Variants in FHIT observed in about 807,000 individuals in gnomAD.
FHIT encodes the protein bis(5'-adenosyl)-triphosphatase.
FHIT carries 19 observed loss-of-function variants against 17.9 expected under a neutral mutation model. That is an observed-to-expected ratio of 1.06 (90% confidence interval 0.74 to 1.56). The LOEUF is 1.56. Among genes scored for constraint, FHIT ranks in the 40% most tolerant of loss-of-function variants. The pLI, the probability that FHIT is intolerant of heterozygous loss-of-function variation, is 0.00. For missense variants in FHIT, 248 were observed against 189.2 expected (o/e 1.31, Z -1.82); for synonymous variants, 81 against 69.7 (o/e 1.16, Z -0.81).
intron 8 of FHIT, among the ~76,000 whole-genome samples, chr3:59,764,618 C>G (rs1701697752): frequency 6.6e-6 from 1 of 152,032 alleles, no homozygotes; most frequent in Non-Finnish European, 1.5e-5. Context: ...AAATGCCTCT[C>G]TCTATTTCAT....
chr3:60,464,609 G>C (rs1216533496), intron 5 of FHIT, among the ~76,000 whole-genome samples: 2 of 152,074 alleles, frequency 1.3e-5, no homozygotes, highest in Non-Finnish European at 2.9e-5. Flanking sequence ...GAGAACATGT[G>C]ATGTTTGTCT....
intron 3 of FHIT, among the ~76,000 whole-genome samples, chr3:60,853,937 T>C (rs193116758): frequency 2.0e-5 from 3 of 152,266 alleles, no homozygotes; most frequent in South Asian, 2.1e-4. Flanking sequence ...ACTGCAAAGA[T>C]GTCTTCATGT....
At chr3:60,048,871 A>C (rs982247452) in intron 5 of FHIT, among the ~76,000 whole-genome samples, 2 of 152,210 alleles carry the variant, frequency 1.3e-5, no homozygotes, top group African/African-American at 4.8e-5. Context: ...GAAGATTTGA[A>C]AACATGATTG....
chr3:61,097,668 A>C (rs542050610), intron 2 of FHIT, among the ~76,000 whole-genome samples: 8 of 152,028 alleles, frequency 5.3e-5, no homozygotes, highest in African/African-American at 1.9e-4. Context: ...ACTGTATCTC[A>C]TTGTGGTTTT....
At chr3:60,320,430 G>A (rs917180704) in intron 5 of FHIT, among the ~76,000 whole-genome samples, 3 of 152,056 alleles carry the variant, frequency 2.0e-5, no homozygotes, top group Non-Finnish European at 4.4e-5. Flanking sequence ...ATGGCTAACT[G>A]GAGAGGAAAA....
Position 59,829,213 on chromosome 3 carries a change from T to C in FHIT, c.349-76892A>G, listed in dbSNP as rs1444922888. ...GTGGGTTGAAGTAATCTCTACACAA[T>C]TAATTTTTTCTAGTGCCTTGGCCTC... On this transcript the variant is annotated intron_variant, in intron 8 of 9. Transcript: ENST00000492590. Among the ~76,000 whole-genome samples, 4 of 152,354 alleles carry C rather than the reference T, an allele frequency of 2.6e-5. No homozygotes were observed. The East Asian group carries it at 5.8e-4, about 22-fold the overall frequency.
Position 59,993,369 on chromosome 3 carries a change from T to C in FHIT, c.279+18002A>G, listed in dbSNP as rs144408014. On this transcript the variant is annotated intron_variant, in intron 7 of 9. Transcript: ENST00000492590. ...TCAACATGTGTTTTACAGAGAAAAC[T>C]GGTTATCCCTGGACTGTATTAAAAC... Among the ~76,000 whole-genome samples the C allele has an allele frequency of 2.7e-3, 405 of 152,196 alleles. 1 individual carries two copies. Among genetic ancestry groups the C allele is most frequent in the Middle Eastern group, 0.01 (3 of 294 alleles).
At chr3:61,059,061 A>G (rs1345870440) in intron 2 of FHIT, among the ~76,000 whole-genome samples, 4 of 152,200 alleles carry the variant, frequency 2.6e-5, no homozygotes, top group South Asian at 4.1e-4. Context: ...AGGTTCCCCA[A>G]TGTCTGGCCC....
intron 4 of FHIT, among the ~76,000 whole-genome samples, chr3:60,729,155 C>T (rs1475135667): frequency 2.0e-5 from 3 of 152,168 alleles, no homozygotes; most frequent in Non-Finnish European, 2.9e-5. Context: ...AATAAAATAG[C>T]GGCTGTATAT....
rs201487171 is a variant in FHIT at position 60,592,259 on chromosome 3, ACT to A, written c.-17-55282_-17-55281del. Among the ~76,000 whole-genome samples, 484 of 143,128 alleles carry A rather than the reference ACT, an allele frequency of 3.4e-3. 2 individuals carry two copies. The highest frequency in any genetic ancestry group is 8.9e-3 in the African/African-American group (358 of 40,058). 93.9% of individuals were successfully genotyped at this position (143,128 alleles called of 152,430 possible). ...TATATTCCATATATATACTATATAT[ACT>A]CTCTCTCTATATATATATATATATA... On this transcript the variant is annotated intron_variant, in intron 4 of 9. Coordinates refer to ENST00000492590, the MANE Select transcript of FHIT (RefSeq NM_002012.4).
At chr3:59,877,574 G>A (rs1361339961) in intron 8 of FHIT, among the ~76,000 whole-genome samples, 1 of 152,232 alleles carries the variant, frequency 6.6e-6, no homozygotes, top group African/African-American at 2.4e-5. Flanking sequence ...TACGAGTGGA[G>A]AGGAGGTCAT....
intron 2 of FHIT, among the ~76,000 whole-genome samples, chr3:61,134,381 T>C (rs1325065720): frequency 6.6e-6 from 1 of 152,208 alleles, no homozygotes. Flanking sequence ...TAAGTATTTG[T>C]TGAGCTTCTA....
At chr3:59,808,635 A>G (rs559380783) in intron 8 of FHIT, among the ~76,000 whole-genome samples, 1 of 152,322 alleles carries the variant, frequency 6.6e-6, no homozygotes, top group East Asian at 1.9e-4. Flanking sequence ...TGACCTGAAC[A>G]TACAGCTTTC....
At chr3:61,157,980 TATGA>T (rs2037579967) in intron 2 of FHIT, among the ~76,000 whole-genome samples, 1 of 152,164 alleles carries the variant, frequency 6.6e-6, no homozygotes, top group Non-Finnish European at 1.5e-5. Context: ...CCTGTTATAT[TATGA>T]AATAAATATT....
chr3:60,238,728 G>A (rs990248321), intron 5 of FHIT, among the ~76,000 whole-genome samples: 8 of 152,084 alleles, frequency 5.3e-5, no homozygotes, highest in Non-Finnish European at 7.4e-5. Flanking sequence ...GATCAGAGCT[G>A]AGGAACAACA....
At chr3:60,471,571 G>C (rs2033090866) in intron 5 of FHIT, among the ~76,000 whole-genome samples, 1 of 152,174 alleles carries the variant, frequency 6.6e-6, no homozygotes. Context: ...ACGTCTCATG[G>C]ACTGTGCAGG....
intron 2 of FHIT, among the ~76,000 whole-genome samples, chr3:61,156,483 G>C (rs1341248679): frequency 6.6e-6 from 1 of 151,886 alleles, no homozygotes; most frequent in Non-Finnish European, 1.5e-5. Flanking sequence ...TTTGTTTGTG[G>C]TCTATCTCTC....
intron 5 of FHIT, among the ~76,000 whole-genome samples, chr3:60,510,900 T>C (rs925253027): frequency 1.3e-5 from 2 of 152,208 alleles, no homozygotes; most frequent in Admixed American, 6.5e-5. Context: ...TAGTACATAA[T>C]AGAATCATAG....
intron 5 of FHIT, among the ~76,000 whole-genome samples, chr3:60,498,951 T>C (rs754100074): frequency 2.0e-5 from 3 of 152,236 alleles, no homozygotes; most frequent in Non-Finnish European, 4.4e-5. Context: ...CCAGGAACTT[T>C]TAACAAAGAT....
Sources: allele counts gnomAD v4.1 joint callset (sites outside exome capture counted in the v4.1 genomes callset), GRCh38; gene constraint gnomAD v4.1.1; transcripts MANE v1.5; gene names NCBI Gene and HGNC (gene_info 2026-07-23, HGNC 2026-07-21).